The following C10orf71 variants were observed in gnomAD, a reference collection of about 807,000 sequenced individuals.
C10orf71 encodes the protein cardiac-enriched FHL2-interacting protein.
For synonymous variants in C10orf71, 758 were observed against 726.3 expected, an observed-to-expected ratio of 1.04 and a Z score of -0.70; for missense variants, 1,869 against 1,804.5, an observed-to-expected ratio of 1.04 and a Z score of -0.65.
chr10:49,306,051 C>A (rs1848807231), intron 1 of C10orf71, among the ~76,000 whole-genome samples: 2 of 152,354 alleles, frequency 1.3e-5, no homozygotes, highest in South Asian at 4.1e-4. Context: ...AGAGGAGAAA[C>A]CTCTGCTCTG....
chr10:49,301,132 C>A (rs761848106), intron 1 of C10orf71, among the ~76,000 whole-genome samples: 1 of 152,146 alleles, frequency 6.6e-6, no homozygotes. Context: ...CTGGTGGCAC[C>A]AGAACTGGGC....
chr10:49,323,526 C>A lies in C10orf71; in HGVS notation c.981C>A (p.Val327=). The A allele has an allele frequency of 6.2e-7, 1 of 1,610,920 alleles. No homozygotes were observed. The highest frequency in any genetic ancestry group is 8.5e-7 in the Non-Finnish European group (1 of 1,177,784). Residue 327 remains valine (V), a synonymous_variant, in exon 3 of 3, where the codon GTC becomes GTA. Transcript: ENST00000374144. Reference sequence around the variant, plus strand: ...AGCGCACAGTCTCTCCCTGCCAGGTCCAGGCCAGCTGCAGTCAGGAAGAGA... The same window carrying A: ...AGCGCACAGTCTCTCCCTGCCAGGTACAGGCCAGCTGCAGTCAGGAAGAGA... ...PPERTVSPCQ[V]QASCSQEENR...
intron 1 of C10orf71, among the ~76,000 whole-genome samples, chr10:49,307,483 G>A (rs1848834678): frequency 6.6e-6 from 1 of 152,234 alleles, no homozygotes. Flanking sequence ...ACCTCCAGAA[G>A]CGGTCAGAAA....
chr10:49,310,784 A>ATGATGATGATGATGATGATGG (rs1848897016), intron 1 of C10orf71, among the ~76,000 whole-genome samples: 1 of 151,210 alleles, frequency 6.6e-6, no homozygotes, highest in Non-Finnish European at 1.5e-5. Context: ...CCAGATGATG[A>ATGATGATGATGATGATGATGG]TGATGATGAT....
intron 1 of C10orf71, among the ~76,000 whole-genome samples, chr10:49,311,016 C>A (rs182499048): frequency 2.6e-5 from 4 of 152,078 alleles, no homozygotes; most frequent in African/African-American, 9.7e-5. Flanking sequence ...CCCGACCATG[C>A]CAGACCACCA....
chr10:49,299,155 C>T (rs1848680284), upstream of C10orf71: 1 of 152,144 alleles, frequency 6.6e-6, no homozygotes, highest in Non-Finnish European at 1.5e-5. Context: ...TGACACCACG[C>T]GGGTGTTGCA....
In C10orf71 at chr10:49,324,603, A is replaced by C. The variant is rs776798913; in HGVS notation, c.2058A>C (p.Ala686=). ...VSQETEPERE[A]GLQNTHLNQK... Reference sequence around the variant, plus strand: ...AAGAGACAGAACCTGAGAGGGAAGCAGGACTTCAGAACACACATTTGAACC... The same window carrying C: ...AAGAGACAGAACCTGAGAGGGAAGCCGGACTTCAGAACACACATTTGAACC... The change falls in exon 3 of 3, where the codon GCA becomes GCC. Residue 686 remains alanine, a synonymous_variant. Transcript: ENST00000374144. 2 of 1,613,986 alleles carry C rather than the reference A, an allele frequency of 1.2e-6. No individual in the cohort carries two copies. Among genetic ancestry groups the C allele is most frequent in the Non-Finnish European group, 1.7e-6 (2 of 1,179,866 alleles).
intron 1 of C10orf71, among the ~76,000 whole-genome samples, chr10:49,309,927 C>T (rs562484063): frequency 1.3e-5 from 2 of 152,360 alleles, no homozygotes; most frequent in South Asian, 4.1e-4. Flanking sequence ...CCTGTTTCCC[C>T]TTCTCTAAGA....
chr10:49,306,147 G>A (rs1427706416), intron 1 of C10orf71, among the ~76,000 whole-genome samples: 1 of 152,244 alleles, frequency 6.6e-6, no homozygotes, highest in Non-Finnish European at 1.5e-5. Flanking sequence ...AATGGTCAGG[G>A]CCTTCTGAAC....
chr10:49,325,931 T>C lies in C10orf71; in HGVS notation c.3386T>C (p.Leu1129Pro), dbSNP rs1026254856. The change falls in exon 3 of 3, where the codon CTG becomes CCG. Residue 1129 changes from leucine (L) to proline (P), a missense_variant. Coordinates refer to ENST00000374144, the MANE Select transcript of C10orf71 (RefSeq NM_001135196.2). ...WEGGSDPLLE[L>P]SAEDLRTLSP... ...GGCGGCTCTGACCCCCTACTTGAGCTGTCGGCAGAAGACCTCCGGACCCTC... is the reference window on the plus strand; with the variant it reads ...GGCGGCTCTGACCCCCTACTTGAGCCGTCGGCAGAAGACCTCCGGACCCTC... The C allele has an allele frequency of 1.3e-6, 2 of 1,551,328 alleles. No homozygotes were observed. Among genetic ancestry groups the C allele is most frequent in the Non-Finnish European group, 1.7e-6 (2 of 1,146,756 alleles).
chr10:49,317,909 G>C (rs1271216320), intron 2 of C10orf71, among the ~76,000 whole-genome samples: 1 of 152,152 alleles, frequency 6.6e-6, no homozygotes, highest in Non-Finnish European at 1.5e-5. Context: ...AGAGAGACAA[G>C]CATAGAGGGA....
At chr10:49,309,678 G>C (rs573193765) in intron 1 of C10orf71, among the ~76,000 whole-genome samples, 1 of 152,280 alleles carries the variant, frequency 6.6e-6, no homozygotes, top group Non-Finnish European at 1.5e-5. Context: ...TGTGGCGTGG[G>C]GTGGTGGAGG....
At chr10:49,306,913 C>A (rs150771474) in intron 1 of C10orf71, among the ~76,000 whole-genome samples, 1 of 152,292 alleles carries the variant, frequency 6.6e-6, no homozygotes, top group East Asian at 1.9e-4. Context: ...GGTGGCCCTG[C>A]AGTTTGGGTT....
Position 49,323,004 on chromosome 10 carries a change from C to T in C10orf71, c.459C>T (p.Thr153=), listed in dbSNP as rs373090262. 28 of 1,613,872 alleles carry T rather than the reference C, an allele frequency of 1.7e-5. No individual in the cohort carries two copies. The highest frequency in any genetic ancestry group is 5.3e-5 in the African/African-American group (4 of 74,918). The change falls in exon 3 of 3, where the codon ACC becomes ACT. Residue 153 remains threonine, a synonymous_variant. Transcript: ENST00000374144. ...CACTAATTAAATCTTTCGACAGGACCGAGAGCCAACGTTGTGAGAGCAGGC... is the reference window on the plus strand; with the variant it reads ...CACTAATTAAATCTTTCGACAGGACTGAGAGCCAACGTTGTGAGAGCAGGC... ...VSTLIKSFDR[T]ESQRCESRPT...
At chr10:49,313,682 A>C (rs1848952386) in intron 1 of C10orf71, among the ~76,000 whole-genome samples, 1 of 152,172 alleles carries the variant, frequency 6.6e-6, no homozygotes, top group Admixed American at 6.5e-5. Flanking sequence ...TGGATGTCAA[A>C]GGGAAAGGCA....
Position 49,324,088 on chromosome 10 carries a change from A to G in C10orf71, c.1543A>G (p.Ser515Gly), listed in dbSNP as rs1005768469. 6.2e-7 allele frequency: 1 copy of G among 1,613,968 alleles called. No homozygotes were observed. Among genetic ancestry groups the G allele is most frequent in the Non-Finnish European group, 8.5e-7 (1 of 1,179,900 alleles). Residue 515 changes from serine (S) to glycine (G), a missense_variant, in exon 3 of 3, where the codon AGT becomes GGT. By Grantham distance (56) the Ser-to-Gly change is moderately conservative. Coordinates refer to ENST00000374144, the MANE Select transcript of C10orf71 (RefSeq NM_001135196.2). ...GCGGAAGCGTGTTAAGAGCACATAC[A>G]GTTCCTCACCTCTCTTGAAAGTGCT... ...DVRKRVKSTY[S>G]SSPLLKVLDE...
Position 49,324,382 on chromosome 10 carries a change from A to T in C10orf71, c.1837A>T (p.Ser613Cys). 2 of 1,613,586 alleles carry T rather than the reference A, an allele frequency of 1.2e-6. No homozygotes were observed. Among genetic ancestry groups the T allele is most frequent in the Non-Finnish European group, 1.7e-6 (2 of 1,179,706 alleles). ...CAATGGGGAGGCTGCTGAGAGAAGC[A>T]GTTATGAGAACAAGGAGGTGGAAGG... ...YVNGEAAERS[S>C]YENKEVEGEL... Residue 613 changes from serine (S) to cysteine (C), a missense_variant, in exon 3 of 3, where the codon AGT becomes TGT. By Grantham distance (112) the Ser-to-Cys change is moderately radical. Coordinates refer to ENST00000374144, the MANE Select transcript of C10orf71 (RefSeq NM_001135196.2).
intron 1 of C10orf71, among the ~76,000 whole-genome samples, chr10:49,315,128 TG>T (rs2132418123): frequency 6.6e-6 from 1 of 152,296 alleles, no homozygotes; most frequent in African/African-American, 2.4e-5. Context: ...GAGTCAGGGA[TG>T]GGGCCTCGCC....
At position 49,326,670 on chromosome 10, in the gene C10orf71, G is replaced by C. The variant is rs1274238900; in HGVS notation, c.4125G>C (p.Gln1375His). 3 of 1,550,768 alleles carry C rather than the reference G, an allele frequency of 1.9e-6. No homozygotes were observed. In the Admixed American group the frequency reaches 5.9e-5, roughly 30 times the overall value. Reference sequence around the variant, plus strand: ...CCTCCGCGGCCCGCGCCAGGACCCAGAGTGTCCACGAGTCTGGACTACAGC... The same window carrying C: ...CCTCCGCGGCCCGCGCCAGGACCCACAGTGTCCACGAGTCTGGACTACAGC... ...PRASAARARTQSVHESGLQLD... is the reference protein window; with the variant it reads ...PRASAARARTHSVHESGLQLD... The change falls in exon 3 of 3, where the codon CAG becomes CAC. Residue 1375 changes from glutamine to histidine, a missense_variant. Physicochemically the swap from Gln to His is conservative, Grantham distance 24. Transcript: ENST00000374144.
Sources: gnomAD v4.1 joint callset for allele counts (sites outside exome capture counted in the v4.1 genomes callset) on GRCh38, gnomAD v4.1.1 for gene constraint, MANE v1.5 for transcripts, NCBI Gene and HGNC (gene_info 2026-07-23, HGNC 2026-07-21) for gene names.